The following ETV7 variants were observed in gnomAD, a reference collection of about 807,000 sequenced individuals.
ETV7 encodes the protein transcription factor ETV7.
ETV7 carries 43 observed loss-of-function variants against 39.1 expected under a neutral mutation model. The ratio of observed to expected loss-of-function variants is 1.10; its 90% CI spans 0.86 to 1.42. ETV7 has a LOEUF of 1.42. ETV7 is among the 40% of genes most tolerant of loss of function. The pLI, the probability that ETV7 is intolerant of heterozygous loss-of-function variation, is 0.00. For missense variants in ETV7, 432 were observed against 442.3 expected, an observed-to-expected ratio of 0.98 and a Z score of 0.21; for synonymous variants, 196 against 176.6, an observed-to-expected ratio of 1.11 and a Z score of -0.87.
At position 36,366,964 on chromosome 6, in the gene ETV7, G is replaced by A. The variant is rs1180989261; in HGVS notation, c.819C>T (p.Asn273=). 6.2e-7 allele frequency: 1 copy of A among 1,613,826 alleles called. No homozygotes were observed. The highest frequency in any genetic ancestry group is 2.2e-5 in the East Asian group (1 of 44,884). ...CACGAGACATCTTCTCGTAGGTCAT[G>A]TTCACCCGGTTCTGGAAAGCAAAGC... ...RLWGNHKNRV[N]MTYEKMSRAL... The change falls in exon 7 of 8, where the codon AAC becomes AAT. Residue 273 remains asparagine (N), a synonymous_variant. Transcript: ENST00000340181.
intron 7 of ETV7, among the ~76,000 whole-genome samples, chr6:36,355,357 A>G (rs1772309135): frequency 6.7e-6 from 1 of 149,636 alleles, no homozygotes; most frequent in African/African-American, 2.5e-5. Flanking sequence ...TTTGTCTTTC[A>G]TTTTATTAGT....
At chr6:36,374,210 C>T (rs1773187697) in intron 3 of ETV7, among the ~76,000 whole-genome samples, 1 of 151,892 alleles carries the variant, frequency 6.6e-6, no homozygotes, top group African/African-American at 2.4e-5. Context: ...TTTTAAAAAT[C>T]AGCTGGGTAT....
At chr6:36,373,813 C>T (rs1291003136) in intron 3 of ETV7, among the ~76,000 whole-genome samples, 1 of 152,240 alleles carries the variant, frequency 6.6e-6, no homozygotes, top group Non-Finnish European at 1.5e-5. Context: ...CCTGCCGGTA[C>T]ACGCAGCCGC....
Position 36,366,234 on chromosome 6 carries a change from C to CTCGGTGGT in ETV7, c.*410_*411insACCACCGA. ...TTTATTGTTACTGAGGCTGTCAGTGCCGCCTGGAAGCACTAACACTTTTTC... is the reference window on the plus strand; with the variant it reads ...TTTATTGTTACTGAGGCTGTCAGTGCTCGGTGGTCGCCTGGAAGCACTAACACTTTTTC... On this transcript the variant is annotated 3_prime_UTR_variant, in exon 8 of 8. Coordinates refer to ENST00000340181, the MANE Select transcript of ETV7 (RefSeq NM_016135.4). The CTCGGTGGT allele has an allele frequency of 1.9e-6, 2 of 1,027,686 alleles. No homozygotes were observed. Among genetic ancestry groups the CTCGGTGGT allele is most frequent in the South Asian group, 4.0e-5 (1 of 25,216 alleles). The allele number at this position is 1,027,686 out of a possible 1,614,324, so 63.7% of individuals were successfully genotyped here.
At chr6:36,370,404 G>A (rs775191580) in intron 5 of ETV7, among the ~76,000 whole-genome samples, 1 of 151,872 alleles carries the variant, frequency 6.6e-6, no homozygotes, top group Non-Finnish European at 1.5e-5. Flanking sequence ...GTGTGGTGGT[G>A]GGCGCCTGTA....
At chr6:36,370,168 G>A (rs1023601551) in intron 5 of ETV7, among the ~76,000 whole-genome samples, 4 of 152,148 alleles carry the variant, frequency 2.6e-5, no homozygotes, top group African/African-American at 9.7e-5. Flanking sequence ...TAAATGTGGT[G>A]TGGACATAAC....
chr6:36,379,600 G>C (rs1292837231), intron 2 of ETV7, among the ~76,000 whole-genome samples: 1 of 150,780 alleles, frequency 6.6e-6, no homozygotes. Context: ...GAAGAAGGCC[G>C]GGCGTGGTGG....
chr6:36,364,836 G>C (rs943495541), downstream of ETV7, among the ~76,000 whole-genome samples: 13 of 152,256 alleles, frequency 8.5e-5, no homozygotes, highest in Admixed American at 7.2e-4. Context: ...GCAGAGCAAA[G>C]TCAAGGAGCT....
chr6:36,381,505 T>C (rs1438692627), intron 2 of ETV7, among the ~76,000 whole-genome samples: 1 of 152,214 alleles, frequency 6.6e-6, no homozygotes, highest in Non-Finnish European at 1.5e-5. Flanking sequence ...ATTCTGATGA[T>C]CAGGATGCTG....
downstream of ETV7, among the ~76,000 whole-genome samples, chr6:36,364,893 C>T (rs751551000): frequency 6.6e-6 from 1 of 152,210 alleles, no homozygotes; most frequent in Non-Finnish European, 1.5e-5. Context: ...ATTTTCCCAT[C>T]GATCCTTTTT....
downstream of ETV7, among the ~76,000 whole-genome samples, chr6:36,361,956 A>ACCAG (rs1772502339): frequency 6.6e-6 from 1 of 152,174 alleles, no homozygotes; most frequent in Non-Finnish European, 1.5e-5. Flanking sequence ...TGAGGTCGAG[A>ACCAG]CCAGCCTGAC....
At chr6:36,367,022 C>T (rs368026454) in intron 6 of ETV7, 47 bp from the exon 7 acceptor site, 2 of 1,436,456 alleles carry the variant, frequency 1.4e-6, no homozygotes, top group South Asian at 2.3e-5. Flanking sequence ...CCATGTCCTG[C>T]TCCTTCCACA....
intron 3 of ETV7, 24 bp from the exon 4 acceptor site, chr6:36,373,602 C>T: frequency 6.6e-7 from 1 of 1,524,198 alleles, no homozygotes; most frequent in Non-Finnish European, 8.8e-7. Flanking sequence ...GGAGGGAGGG[C>T]AGGCTGCTGA....
chr6:36,370,031 G>C (rs1344430206), intron 5 of ETV7, among the ~76,000 whole-genome samples: 1 of 152,144 alleles, frequency 6.6e-6, no homozygotes, highest in Non-Finnish European at 1.5e-5. Context: ...ATCAAGTCAG[G>C]GTACTTAGGG....
intron 7 of ETV7, among the ~76,000 whole-genome samples, chr6:36,355,294 A>C (rs1344962329): frequency 6.6e-6 from 1 of 152,124 alleles, no homozygotes; most frequent in South Asian, 2.1e-4. Flanking sequence ...ATGATAAGAC[A>C]CTTGGATTTT....
chr6:36,366,706 AG>A lies in ETV7; in HGVS notation c.964del (p.Leu322TrpfsTer9). On this transcript the variant is annotated frameshift_variant, in exon 8 of 8. Transcript: ENST00000340181. LOFTEE classifies it high-confidence loss of function. ...TATTCTGTCCTGCTCCTGGCTCTCC[AG>A]CGGCTCCAGGTGGCTGTGCTTGTCC... is the stretch of plus-strand genomic sequence containing the variant. ...VQDKHSHLEP[L>X]ESQEQDRIEF... is the part of the protein sequence containing the mutation. 3 of 1,613,944 alleles carry A rather than the reference AG, an allele frequency of 1.9e-6. No individual in the cohort carries two copies. Among genetic ancestry groups the A allele is most frequent in the Non-Finnish European group, 2.5e-6 (3 of 1,179,962 alleles).
chr6:36,384,204 G>A (rs61634749), intron 2 of ETV7, among the ~76,000 whole-genome samples: 2,215 of 152,220 alleles, frequency 0.015, 46 homozygotes, highest in African/African-American at 0.049. Flanking sequence ...CTGCTCCTGG[G>A]GAAATCTAAC....
At chr6:36,385,358 G>A (rs1430165301) in intron 2 of ETV7, among the ~76,000 whole-genome samples, 176 bp downstream of exon 2, 1 of 152,038 alleles carries the variant, frequency 6.6e-6, no homozygotes, top group Non-Finnish European at 1.5e-5. Context: ...CCCAGCTATT[G>A]GAGAGGCTGA....
At chr6:36,363,432 G>A (rs1270603167), downstream of ETV7, among the ~76,000 whole-genome samples, 1 of 151,962 alleles carries the variant, frequency 6.6e-6, no homozygotes, top group Admixed American at 6.6e-5. Context: ...GACCTTCACG[G>A]TGAGTGTTAC....
Sources: allele counts gnomAD v4.1 joint callset (sites outside exome capture counted in the v4.1 genomes callset), GRCh38; gene constraint gnomAD v4.1.1; transcripts MANE v1.5; gene names NCBI Gene and HGNC (gene_info 2026-07-23, HGNC 2026-07-21).